PLA2G2C: variants seen among roughly 807,000 people sequenced by gnomAD.
The protein encoded by PLA2G2C is phospholipase A2 group IIC.
PLA2G2C carries 15 observed loss-of-function variants against 14.3 expected under a neutral mutation model. The observed-to-expected ratio is 1.05, with a 90% CI of 0.70 to 1.62. The LOEUF is 1.62. Ranked by LOEUF, PLA2G2C falls within the 40% of genes most tolerant of loss-of-function variation. The probability of loss-of-function intolerance (pLI) is 0.00; values close to 1 mark genes in which losing one functional copy is unlikely to be tolerated. For synonymous variants in PLA2G2C, 79 were observed against 67.7 expected (o/e 1.17, Z -0.82); for missense variants, 162 against 173.2 (o/e 0.94, Z 0.36).
intron 2 of PLA2G2C, 132 bp from the exon 3 acceptor site, chr1:20,175,277 G>T (rs2018163934): frequency 1.5e-6 from 2 of 1,331,292 alleles, no homozygotes; most frequent in East Asian, 2.3e-5. Context: ...AGTGCAAGGG[G>T]CATGGCTGGA....
chr1:20,182,439 C>G (rs548741499), intron 1 of PLA2G2C, among the ~76,000 whole-genome samples: 6 of 152,238 alleles, frequency 3.9e-5, no homozygotes, highest in Admixed American at 3.9e-4. Context: ...CTAGGAGCAA[C>G]AGGCTATACC....
intron 2 of PLA2G2C, among the ~76,000 whole-genome samples, chr1:20,176,536 C>T (rs1300149834): frequency 3.3e-5 from 5 of 152,182 alleles, no homozygotes; most frequent in Admixed American, 1.3e-4. Context: ...GGGGGTGTGG[C>T]GGAAGAAACC....
chr1:20,176,783 A>G (rs546664101), intron 2 of PLA2G2C, among the ~76,000 whole-genome samples: 5 of 152,342 alleles, frequency 3.3e-5, no homozygotes, highest in Non-Finnish European at 4.4e-5. Context: ...CACTCAACGA[A>G]TCCAGCAAAA....
At chr1:20,184,133 T>A (rs1376748704) in intron 1 of PLA2G2C, 1 of 152,220 alleles carries the variant, frequency 6.6e-6, no homozygotes, top group Non-Finnish European at 1.5e-5. Flanking sequence ...CTGCATGTAC[T>A]GCTGACATTA....
At chr1:20,181,321 C>T (rs1012759672) in intron 1 of PLA2G2C, among the ~76,000 whole-genome samples, 1 of 152,116 alleles carries the variant, frequency 6.6e-6, no homozygotes, top group East Asian at 1.9e-4. Context: ...TGAGTACCAA[C>T]AGGAGGCTAA....
At chr1:20,172,651 G>A in intron 4 of PLA2G2C, 143 bp downstream of exon 4, 1 of 711,620 alleles carries the variant, frequency 1.4e-6, no homozygotes, top group Non-Finnish European at 2.3e-6. Flanking sequence ...AAGCTCTGGA[G>A]CATCAGGAGA....
intron 1 of PLA2G2C, 96 bp from the exon 2 acceptor site, chr1:20,177,535 G>C (rs1394912050): frequency 4.5e-6 from 2 of 446,442 alleles, no homozygotes; most frequent in Non-Finnish European, 7.9e-6. Flanking sequence ...AGGACTCAAA[G>C]AAATCATTTT....
At chr1:20,185,108 C>G (rs959161582) in intron 1 of PLA2G2C, among the ~76,000 whole-genome samples, 3 of 152,056 alleles carry the variant, frequency 2.0e-5, no homozygotes, top group Non-Finnish European at 4.4e-5. Context: ...TGCACTCCAG[C>G]CTGGGTGAAG....
At chr1:20,169,659 CCTA>C (rs1371039034) in intron 4 of PLA2G2C, among the ~76,000 whole-genome samples, 1 of 152,190 alleles carries the variant, frequency 6.6e-6, no homozygotes, top group African/African-American at 2.4e-5. Context: ...TAATGAAGCA[CCTA>C]CTGTAGGCCA....
In PLA2G2C at chr1:20,164,122, A is replaced by T. The variant is rs1163499377; in HGVS notation, c.319T>A (p.Cys107Ser). ...CTLGPGASCH[C>S]RLKACECDKQ... ...TCACACTCACAGGCCTTCAGCCTGC[A>T]GTGGCAGCTGGCACCAGGACCAAGG... The change falls in exon 5 of 5, where the codon TGC (cysteine) becomes AGC (serine). Residue 107 changes from cysteine to serine, a missense_variant. Transcript: ENST00000679259. The T allele has an allele frequency of 9.9e-6, 16 of 1,613,378 alleles. No homozygotes were observed. The highest frequency in any genetic ancestry group is 1.3e-5 in the Non-Finnish European group (15 of 1,179,634).
intron 4 of PLA2G2C, among the ~76,000 whole-genome samples, chr1:20,165,716 G>T (rs1458683087): frequency 6.8e-6 from 1 of 147,458 alleles, no homozygotes. Context: ...GTGTGCCTGT[G>T]TGCATGTGTA....
intron 1 of PLA2G2C, chr1:20,184,614 G>A (rs2018334926): frequency 6.6e-6 from 1 of 152,248 alleles, no homozygotes; most frequent in Admixed American, 6.5e-5. Context: ...ACCCATGGAG[G>A]AGCAATTCAC....
At chr1:20,180,945 T>A (rs1319019331) in intron 1 of PLA2G2C, among the ~76,000 whole-genome samples, 2 of 152,064 alleles carry the variant, frequency 1.3e-5, no homozygotes, top group African/African-American at 2.4e-5. Flanking sequence ...ATAGAGAAAA[T>A]AAGATGGATG....
In PLA2G2C at chr1:20,173,129, G is replaced by A. The variant is rs533836215; in HGVS notation, c.180-232C>T. 9.9e-5 allele frequency among the ~76,000 whole-genome samples: 15 copies of A among 150,894 alleles called. 1 individual carries two copies. Among genetic ancestry groups the A allele is most frequent in the African/African-American group, 3.7e-4 (15 of 40,958 alleles). ...TTTGAGACCAGCCTGGGCAACATAG[G>A]GAGACCGCCTATGTTTTTTAAGTTT... On this transcript the variant is annotated intron_variant, in intron 3 of 4. Coordinates refer to ENST00000679259, the MANE Select transcript of PLA2G2C (RefSeq NM_001367969.2).
At chr1:20,179,600 A>T (rs1309829633) in intron 1 of PLA2G2C, among the ~76,000 whole-genome samples, 7 of 97,968 alleles carry the variant, frequency 7.1e-5, no homozygotes, top group South Asian at 3.1e-4. Flanking sequence ...TGTGTGTGTC[A>T]GCTTCTCCCT....
chr1:20,179,362 G>A (rs763539654), intron 1 of PLA2G2C, among the ~76,000 whole-genome samples: 1 of 151,878 alleles, frequency 6.6e-6, no homozygotes, highest in Middle Eastern at 3.4e-3. Flanking sequence ...CTCTGTGCGT[G>A]TGTGTGTCAG....
chr1:20,179,200 A>G (rs1297945443), intron 1 of PLA2G2C, among the ~76,000 whole-genome samples: 1 of 143,774 alleles, frequency 7.0e-6, no homozygotes, highest in Non-Finnish European at 1.5e-5. Flanking sequence ...CTTCCCCTCT[A>G]TGTCAGTTTC....
intron 3 of PLA2G2C, among the ~76,000 whole-genome samples, chr1:20,174,401 C>G (rs1473754263): frequency 6.6e-6 from 1 of 152,220 alleles, no homozygotes; most frequent in Non-Finnish European, 1.5e-5. Context: ...CACCCCCATC[C>G]TTTGGAGTAG....
intron 4 of PLA2G2C, among the ~76,000 whole-genome samples, chr1:20,167,651 G>GAGC (rs2100712977): frequency 6.6e-6 from 1 of 152,292 alleles, no homozygotes; most frequent in South Asian, 2.1e-4. Flanking sequence ...TAGCCAGAGT[G>GAGC]ATCTTTCTGG....
Sources: gnomAD v4.1 joint callset for allele counts (sites outside exome capture counted in the v4.1 genomes callset) on GRCh38, gnomAD v4.1.1 for gene constraint, MANE v1.5 for transcripts, NCBI Gene and HGNC (gene_info 2026-07-23, HGNC 2026-07-21) for gene names.